The following CACNA1S variants were observed in gnomAD, a reference collection of about 807,000 sequenced individuals.
The protein encoded by CACNA1S is calcium voltage-gated channel subunit alpha1 S, also known as voltage-dependent L-type calcium channel subunit alpha-1S.
Under a neutral mutation model 207.4 loss-of-function variants are expected in CACNA1S, and 126 were observed. The observed-to-expected ratio is 0.61, with a 90% CI of 0.53 to 0.70. The LOEUF is 0.70. CACNA1S is among the 30% of genes least tolerant of loss of function. The probability of loss-of-function intolerance (pLI) is 0.00; values close to 1 mark genes in which losing one functional copy is unlikely to be tolerated. For missense variants in CACNA1S, 2,349 were observed against 2,422.8 expected (o/e 0.97, Z 0.64); for synonymous variants, 960 against 932.7 (o/e 1.03, Z -0.53).
At chr1:201,054,084 C>A (rs1360694521) in intron 29 of CACNA1S, among the ~76,000 whole-genome samples, 2 of 152,232 alleles carry the variant, frequency 1.3e-5, no homozygotes, top group Non-Finnish European at 2.9e-5. Context: ...CTGTTCTAAG[C>A]CAGGCAAGCC....
chr1:201,055,021 G>T (rs1478276065), intron 28 of CACNA1S, among the ~76,000 whole-genome samples: 1 of 152,220 alleles, frequency 6.6e-6, no homozygotes, highest in Non-Finnish European at 1.5e-5. Context: ...CAGGGGCACA[G>T]CTCCTCTGGG....
At position 201,089,256 on chromosome 1, in the gene CACNA1S, A is replaced by T; in HGVS notation, c.900+2T>A. The T allele has an allele frequency of 6.2e-7, 1 of 1,614,100 alleles. No individual in the cohort carries two copies. The highest frequency in any genetic ancestry group is 8.5e-7 in the Non-Finnish European group (1 of 1,179,916). The stretch of plus-strand genomic sequence containing the variant: ...GTTCTGCAGGCGCGGGCCCAGACCC[A>T]CCCAGTAAAGGACGTCAGTCCATCC... On this transcript the variant is annotated splice_donor_variant, in intron 6 of 43. Transcript: ENST00000362061. LOFTEE classifies it high-confidence loss of function.
At chr1:201,088,568 CA>C (rs1662114528) in intron 6 of CACNA1S, among the ~76,000 whole-genome samples, 1 of 152,214 alleles carries the variant, frequency 6.6e-6, no homozygotes. Context: ...GGATTGGAGC[CA>C]GGGGGATCAG....
rs200082612 is a variant in CACNA1S at position 201,060,705 on chromosome 1, G to A, written c.3367C>T (p.Leu1123=). 1 of 1,614,164 alleles carries A rather than the reference G, an allele frequency of 6.2e-7. No individual in the cohort carries two copies. Among genetic ancestry groups the A allele is most frequent in the Non-Finnish European group, 8.5e-7 (1 of 1,180,030 alleles). The change falls in exon 26 of 44, where the codon CTG becomes TTG. Residue 1123 remains leucine, a synonymous_variant. Transcript: ENST00000362061. ...YIVTSSYFEY[L]MFALIMLNTI... ...TTGAGCATGATGAGGGCAAACATCAGGTATTCAAAGTAGGAGGAGGTGACA... is the reference window on the plus strand; with the variant it reads ...TTGAGCATGATGAGGGCAAACATCAAGTATTCAAAGTAGGAGGAGGTGACA...
At chr1:201,099,828 C>T (rs1572068898) in intron 2 of CACNA1S, among the ~76,000 whole-genome samples, 1 of 152,176 alleles carries the variant, frequency 6.6e-6, no homozygotes, top group African/African-American at 2.4e-5. Context: ...GCCCCCTTGC[C>T]TCAGGATGGG....
intron 8 of CACNA1S, 38 bp from the exon 9 acceptor site, chr1:201,085,069 G>C (rs41267505): frequency 3.4e-6 from 5 of 1,489,676 alleles, no homozygotes; most frequent in Non-Finnish European, 4.6e-6. Flanking sequence ...AGCCTTCGGG[G>C]CCCCTCTGGG....
chr1:201,047,688 C>T (rs1660515757), intron 36 of CACNA1S, 62 bp from the exon 37 acceptor site: 2 of 1,079,866 alleles, frequency 1.9e-6, no homozygotes, highest in Admixed American at 3.5e-5. Flanking sequence ...CAAGGCCACC[C>T]AGTTCTTTCT....
intron 1 of CACNA1S, 132 bp from the exon 2 acceptor site, chr1:201,110,401 C>T (rs1663055175): frequency 2.6e-6 from 2 of 772,516 alleles, no homozygotes; most frequent in Admixed American, 4.0e-5. Context: ...GGACGCTCGC[C>T]CACGCTGCTC....
chr1:201,066,254 G>A lies in CACNA1S; in HGVS notation c.2720C>T (p.Ala907Val), dbSNP rs780938159. 6.2e-7 allele frequency: 1 copy of A among 1,613,698 alleles called. No homozygotes were observed. The highest frequency in any genetic ancestry group is 2.2e-5 in the East Asian group (1 of 44,858). ...CTTCAACCCCTTGGCTCTGTTGATG[G>A]CTCTGAGTGGTCGGAGCACCCTCAG... Reference protein sequence around the residue: ...RVLRVLRPLRAINRAKGLKHV... With the variant: ...RVLRVLRPLRVINRAKGLKHV... Residue 907 changes from alanine (A) to valine (V), a missense_variant, in exon 21 of 44, where the codon GCC becomes GTC. Transcript: ENST00000362061. This position sits in a 1 kb window ranked among gnomAD's most constrained non-coding sequence, Gnocchi z 4.3.
chr1:201,091,553 T>C, intron 5 of CACNA1S, 87 bp downstream of exon 5: 1 of 1,468,322 alleles, frequency 6.8e-7, no homozygotes, highest in Non-Finnish European at 9.5e-7. Flanking sequence ...ATGGCTGAGC[T>C]CCGGGCTCCT....
Position 201,075,599 on chromosome 1 carries a change from T to C in CACNA1S, c.1844A>G (p.Asp615Gly), listed in dbSNP as rs1661583368. Residue 615 changes from aspartate (D) to glycine (G), a missense_variant, in exon 13 of 44, where the codon GAC becomes GGC. Coordinates refer to ENST00000362061, the MANE Select transcript of CACNA1S (RefSeq NM_000069.3). ...CCCATTGTACATCATTGAGGTCCAGTCTTCCCCTGTCAGTACCTGTATGGA... is the reference window on the plus strand; with the variant it reads ...CCCATTGTACATCATTGAGGTCCAGCCTTCCCCTGTCAGTACCTGTATGGA... Reference protein sequence around the residue: ...ISVFQVLTGEDWTSMMYNGIM... With the variant: ...ISVFQVLTGEGWTSMMYNGIM... The C allele has an allele frequency of 1.2e-6, 2 of 1,614,020 alleles. No individual in the cohort carries two copies.
intron 5 of CACNA1S, among the ~76,000 whole-genome samples, chr1:201,091,369 C>T (rs979498097): frequency 2.0e-5 from 3 of 151,348 alleles, no homozygotes; most frequent in South Asian, 2.1e-4. Flanking sequence ...GTCCAGAGAG[C>T]CTGGAACATA....
At position 201,066,816 on chromosome 1, in the gene CACNA1S, C is replaced by A; in HGVS notation, c.2657+71G>T. On this transcript the variant is annotated intron_variant, in intron 20 of 43. Transcript: ENST00000362061. The surrounding 1 kb of genome is among the most constrained non-coding windows in gnomAD (Gnocchi z 4.3). ...CAGGGGCCCACCAACATGGGTGGGA[C>A]TCCCACTACAAAGCCCTGGCACAGA... 1 of 1,144,508 alleles carries A rather than the reference C, an allele frequency of 8.7e-7. No homozygotes were observed. Among genetic ancestry groups the A allele is most frequent in the Non-Finnish European group, 1.3e-6 (1 of 771,860 alleles). The allele number at this position is 1,144,508 out of a possible 1,614,324, so 70.9% of individuals were successfully genotyped here. A position where few individuals can be genotyped will look rare whatever the true frequency, so the allele number is the denominator to read the frequency against.
At chr1:201,102,810 T>TA (rs1232735994) in intron 2 of CACNA1S, among the ~76,000 whole-genome samples, 1 of 152,140 alleles carries the variant, frequency 6.6e-6, no homozygotes, top group African/African-American at 2.4e-5. Context: ...GAGAGAAAGA[T>TA]ACAGTATGCC....
At chr1:201,096,757 C>T (rs540132050) in intron 2 of CACNA1S, among the ~76,000 whole-genome samples, 3 of 152,232 alleles carry the variant, frequency 2.0e-5, no homozygotes, top group Non-Finnish European at 4.4e-5. Context: ...CTACCCCTGC[C>T]TGGCATGCAC....
rs574739970 is a variant in CACNA1S, at chr1:201,044,203, C to A, written c.4797+125G>T. On this transcript the variant is annotated intron_variant, in intron 39 of 43. Coordinates refer to ENST00000362061, the MANE Select transcript of CACNA1S (RefSeq NM_000069.3). ...AGAGGTGGGTGGTGAAGTGGAGAGA[C>A]GGAGTGGGGTATCTTCAGCTCCCAT... 659 of 1,169,514 alleles carry A rather than the reference C, an allele frequency of 5.6e-4. 4 individuals are homozygous for A. The highest frequency in any genetic ancestry group is 1.1e-3 in the Admixed American group (58 of 52,802). 72.4% of individuals were successfully genotyped at this position (1,169,514 alleles called of 1,614,324 possible).
intron 40 of CACNA1S, among the ~76,000 whole-genome samples, chr1:201,042,510 G>A (rs182068900): frequency 2.0e-5 from 3 of 152,276 alleles, no homozygotes; most frequent in Admixed American, 6.5e-5. Context: ...TTCAGGGCAG[G>A]GCCCAGGGCT....
At chr1:201,079,280 C>T (rs1661757132) in intron 10 of CACNA1S, among the ~76,000 whole-genome samples, 1 of 152,054 alleles carries the variant, frequency 6.6e-6, no homozygotes, top group Non-Finnish European at 1.5e-5. Context: ...CACCTCATCC[C>T]TACCTGGATG....
intron 5 of CACNA1S, among the ~76,000 whole-genome samples, chr1:201,090,702 G>A (rs78298142): frequency 0.081 from 12,365 of 152,178 alleles, 572 homozygotes; most frequent in Non-Finnish European, 0.11. Flanking sequence ...CTGCTGAGAC[G>A]TTAGTTGCCC....
Sources: allele counts gnomAD v4.1 joint callset (sites outside exome capture counted in the v4.1 genomes callset), GRCh38; gene constraint gnomAD v4.1.1; non-coding constraint Gnocchi (gnomAD v3.1); transcripts MANE v1.5; gene names NCBI Gene and HGNC (gene_info 2026-07-23, HGNC 2026-07-21).